CBLN4: variants seen among roughly 807,000 people sequenced by gnomAD.
The protein encoded by CBLN4 is cerebellin 4 precursor, also known as cerebellin-4.
A neutral mutation model predicts 14.9 loss-of-function variants in CBLN4; 7 were observed. The observed-to-expected ratio is 0.47, with a 90% CI of 0.27 to 0.88. The LOEUF (loss-of-function observed/expected upper bound fraction) is 0.88. Among genes scored for constraint, CBLN4 ranks in the 40% least tolerant of loss-of-function variants. The pLI is 0.14. For missense variants in CBLN4, 188 were observed against 256.8 expected, an observed-to-expected ratio of 0.73 and a Z score of 1.83; for synonymous variants, 131 against 116.5, an observed-to-expected ratio of 1.12 and a Z score of -0.80.
chr20:55,998,452 G>C lies in CBLN4; in HGVS notation c.*105C>G. ...ATCCTTAGAATCCATATCCACCCAT[G>C]AGAAACCAATAAAAGACATCAATCC... On this transcript the variant is annotated 3_prime_UTR_variant, in exon 3 of 3. Transcript: ENST00000064571. 2 of 1,294,474 alleles carry C rather than the reference G, an allele frequency of 1.5e-6. No individual in the cohort carries two copies. The highest frequency in any genetic ancestry group is 2.0e-5 in the Admixed American group (1 of 50,504). The allele number at this position is 1,294,474 out of a possible 1,614,324, so 80.2% of individuals were successfully genotyped here. A position where few individuals can be genotyped will look rare whatever the true frequency, so the allele number is the denominator to read the frequency against.
chr20:56,002,627 G>T (rs1487009805), intron 1 of CBLN4, among the ~76,000 whole-genome samples: 2 of 152,200 alleles, frequency 1.3e-5, no homozygotes, highest in African/African-American at 4.8e-5. Flanking sequence ...TTAAAGCATT[G>T]AAATACAAAC....
rs143039315 is a variant in CBLN4, at chr20:56,002,573, C to G, written c.291+1308G>C. 4.0e-4 allele frequency among the ~76,000 whole-genome samples: 61 copies of G among 152,314 alleles called. 1 individual carries two copies. In the East Asian group the frequency reaches 0.011, roughly 28 times the overall value. ...TGGAAAGGTCATTGAAAGGAACACCCTGTATAGAGGATAGTGCAATGCCCA... is the reference window on the plus strand; with the variant it reads ...TGGAAAGGTCATTGAAAGGAACACCGTGTATAGAGGATAGTGCAATGCCCA... On this transcript the variant is annotated intron_variant, in intron 1 of 2. Coordinates refer to ENST00000064571, the MANE Select transcript of CBLN4 (RefSeq NM_080617.6).
intron 1 of CBLN4, among the ~76,000 whole-genome samples, chr20:56,001,056 T>C (rs1043020644): frequency 2.0e-5 from 3 of 152,290 alleles, no homozygotes; most frequent in Admixed American, 6.5e-5. Flanking sequence ...ATAAAACATC[T>C]AGTTCTGTAT....
chr20:56,003,313 G>A (rs1236620064), intron 1 of CBLN4, among the ~76,000 whole-genome samples: 2 of 152,228 alleles, frequency 1.3e-5, no homozygotes, highest in Non-Finnish European at 2.9e-5. Context: ...CCTGGCACAC[G>A]AACAGTGGAA....
intron 1 of CBLN4, 102 bp from the exon 2 acceptor site, chr20:56,000,949 C>T (rs1986358352): frequency 1.0e-5 from 5 of 483,170 alleles, no homozygotes; most frequent in East Asian, 7.0e-5. Flanking sequence ...TTCCTTCTTT[C>T]CCTCCTTCCT....
Position 55,997,425 on chromosome 20 carries a change from A to C in CBLN4, c.*1132T>G, listed in dbSNP as rs1986295720. 1 of 152,694 alleles carries C rather than the reference A, an allele frequency of 6.5e-6. No homozygotes were observed. The highest frequency in any genetic ancestry group is 2.1e-4 in the South Asian group (1 of 4,828). The allele number at this position is 152,694 out of a possible 1,614,324, so 9.5% of individuals were successfully genotyped here. ...AATACATATTTCCAAAACGGAAAGA[A>C]AAAAACAATTCAACTAACATATATT... is the stretch of plus-strand genomic sequence containing the variant. On this transcript the variant is annotated 3_prime_UTR_variant, in exon 3 of 3. Coordinates refer to ENST00000064571, the MANE Select transcript of CBLN4 (RefSeq NM_080617.6).
intron 1 of CBLN4, among the ~76,000 whole-genome samples, chr20:56,002,552 A>G (rs1417183179): frequency 6.6e-6 from 1 of 152,230 alleles, no homozygotes; most frequent in African/African-American, 2.4e-5. Context: ...AATTGATGGA[A>G]AGGTCATTGA....
chr20:56,000,773 G>A lies in CBLN4; in HGVS notation c.366C>T (p.Phe122=). 1 of 1,601,412 alleles carries A rather than the reference G, an allele frequency of 6.2e-7. No homozygotes were observed. The highest frequency in any genetic ancestry group is 8.5e-7 in the Non-Finnish European group (1 of 1,174,270). Residue 122 remains phenylalanine (F), a synonymous_variant, in exon 2 of 3, where the codon TTC becomes TTT. Coordinates refer to ENST00000064571, the MANE Select transcript of CBLN4 (RefSeq NM_080617.6). ...GGTAGACTTTAATCACGTGAAAACT[G>A]AAACTGTAAATTCCTTTTCTTGGTG... ...FVAPRKGIYS[F]SFHVIKVYQS... is the part of the protein sequence containing the mutation.
In CBLN4 at chr20:56,004,315, T is replaced by C; in HGVS notation, c.-144A>G. On this transcript the variant is annotated 5_prime_UTR_variant, in exon 1 of 3. Transcript: ENST00000064571. This position sits in a 1 kb window ranked among gnomAD's most constrained non-coding sequence, Gnocchi z 6.1. ...CGACGGCGGCGGCGGCGCGCACACT[T>C]CCACCAATTCTGTGGCTTGAAGTCA... 1 of 719,748 alleles carries C rather than the reference T, an allele frequency of 1.4e-6. No individual in the cohort carries two copies. Among genetic ancestry groups the C allele is most frequent in the Non-Finnish European group, 2.1e-6 (1 of 483,002 alleles). 44.6% of individuals were successfully genotyped at this position (719,748 alleles called of 1,614,324 possible).
At chr20:56,001,311 T>A (rs569085942) in intron 1 of CBLN4, among the ~76,000 whole-genome samples, 1 of 152,318 alleles carries the variant, frequency 6.6e-6, no homozygotes, top group Admixed American at 6.5e-5. Flanking sequence ...CTTTGCAATG[T>A]CCAGAGGTGA....
At chr20:56,000,122 G>T (rs1986344698) in intron 2 of CBLN4, among the ~76,000 whole-genome samples, 1 of 152,202 alleles carries the variant, frequency 6.6e-6, no homozygotes, top group Non-Finnish European at 1.5e-5. Flanking sequence ...TGAATGTAAG[G>T]TCAAGCCCAT....
chr20:56,001,308 A>G (rs1459391268), intron 1 of CBLN4, among the ~76,000 whole-genome samples: 1 of 152,208 alleles, frequency 6.6e-6, no homozygotes, highest in Non-Finnish European at 1.5e-5. Flanking sequence ...AGCCTTTGCA[A>G]TGTCCAGAGG....
chr20:55,998,468 A>T lies in CBLN4; in HGVS notation c.*89T>A. On this transcript the variant is annotated 3_prime_UTR_variant, in exon 3 of 3. Transcript: ENST00000064571. ...TCCACCCATGAGAAACCAATAAAAG[A>T]CATCAATCCAATGATGAAAAAATGA... 7.0e-7 allele frequency: 1 copy of T among 1,421,574 alleles called. No homozygotes were observed. The highest frequency in any genetic ancestry group is 1.2e-5 in the South Asian group (1 of 80,444). The allele number at this position is 1,421,574 out of a possible 1,614,324, so 88.1% of individuals were successfully genotyped here.
intron 2 of CBLN4, among the ~76,000 whole-genome samples, chr20:56,000,318 A>T (rs1986347690): frequency 6.6e-6 from 1 of 152,244 alleles, no homozygotes; most frequent in South Asian, 2.1e-4. Context: ...TCATAATTTT[A>T]AAAAATAGCA....
At chr20:56,000,581 T>A (rs1433388371) in intron 2 of CBLN4, 150 bp downstream of exon 2, 4 of 425,048 alleles carry the variant, frequency 9.4e-6, no homozygotes, top group Non-Finnish European at 8.3e-6. Flanking sequence ...GAGAAAAAAA[T>A]TAGAAATTAA....
chr20:56,003,976 C>T lies in CBLN4; in HGVS notation c.196G>A (p.Ala66Thr), dbSNP rs771118522. The T allele has an allele frequency of 6.2e-7, 1 of 1,614,030 alleles. No homozygotes were observed. Among genetic ancestry groups the T allele is most frequent in the Non-Finnish European group, 8.5e-7 (1 of 1,179,996 alleles). ...SSSPLGISVR[A>T]ANSKVAFSAV... ...GAGAAGGCGACCTTGGAGTTGGCCG[C>T]CCGGACCGATATCCCCAGCGGGGAG... Residue 66 changes from alanine (A) to threonine (T), a missense_variant, in exon 1 of 3, where the codon GCG (alanine) becomes ACG (threonine). Physicochemically the swap from Ala to Thr is moderately conservative, Grantham distance 58 (BLOSUM62 0). Around this residue, in one of 2 missense-constraint regions of CBLN4, gnomAD observed 95 missense variants for 99.2 expected, o/e 0.96. Coordinates refer to ENST00000064571, the MANE Select transcript of CBLN4 (RefSeq NM_080617.6).
chr20:56,004,377 C>T lies in CBLN4; in HGVS notation c.-206G>A. On this transcript the variant is annotated 5_prime_UTR_variant, in exon 1 of 3. Coordinates refer to ENST00000064571, the MANE Select transcript of CBLN4 (RefSeq NM_080617.6). This position sits in a 1 kb window ranked among gnomAD's most constrained non-coding sequence, Gnocchi z 6.1. The stretch of plus-strand genomic sequence containing the variant: ...CGAGCTCTCTCGCTGGCTCTGTTAC[C>T]TTTGTCCTTTAAGGAGCTCATGCAG... 1 of 513,382 alleles carries T rather than the reference C, an allele frequency of 1.9e-6. No individual in the cohort carries two copies. Among genetic ancestry groups the T allele is most frequent in the Non-Finnish European group, 3.3e-6 (1 of 301,204 alleles). 31.8% of individuals were successfully genotyped at this position (513,382 alleles called of 1,614,324 possible). A position where few individuals can be genotyped will look rare whatever the true frequency, so the allele number is the denominator to read the frequency against.
At position 55,998,860 on chromosome 20, in the gene CBLN4, A is replaced by T. The variant is rs913693251; in HGVS notation, c.409-106T>A. 3.9e-5 allele frequency: 32 copies of T among 820,916 alleles called. No homozygotes were observed. In the East Asian group the frequency reaches 7.7e-4, roughly 20 times the overall value. The allele number at this position is 820,916 out of a possible 1,614,324, so 50.9% of individuals were successfully genotyped here. A position where few individuals can be genotyped will look rare whatever the true frequency, so the allele number is the denominator to read the frequency against. ...GATGATAGACCCAGTAAAATACCTG[A>T]TGTTCAGGAAATATATTCCCTTCCT... is the stretch of plus-strand genomic sequence containing the variant. On this transcript the variant is annotated intron_variant, in intron 2 of 2. Transcript: ENST00000064571.
At chr20:56,003,511 G>C (rs946884497) in intron 1 of CBLN4, among the ~76,000 whole-genome samples, 3 of 152,236 alleles carry the variant, frequency 2.0e-5, no homozygotes, top group African/African-American at 7.2e-5. Context: ...CCGCAGAGGA[G>C]TCTGAGCAAG....
Sources: allele counts gnomAD v4.1 joint callset (sites outside exome capture counted in the v4.1 genomes callset), GRCh38; gene constraint gnomAD v4.1.1; regional missense constraint gnomAD v4.1.1; non-coding constraint Gnocchi (gnomAD v3.1); transcripts MANE v1.5; gene names NCBI Gene and HGNC (gene_info 2026-07-23, HGNC 2026-07-21).